SMARCA4: variants seen among roughly 807,000 people sequenced by gnomAD.
SMARCA4 encodes SWI/SNF-related matrix-associated actin-dependent regulator of chromatin subfamily A member 4.
SMARCA4 carries 31 observed loss-of-function variants against 193.9 expected under a neutral mutation model. The ratio of observed to expected loss-of-function variants is 0.16; its 90% CI spans 0.12 to 0.22. SMARCA4 has a LOEUF of 0.22. Ranked by LOEUF, SMARCA4 falls within the 10% of genes least tolerant of loss-of-function variation. The pLI is 1.00. For synonymous variants in SMARCA4, 942 were observed against 933.1 expected (o/e 1.01, Z -0.17); for missense variants, 1,148 against 2,296.0 (o/e 0.50, Z 10.22).
chr19:11,028,678 C>T (rs543354554), intron 24 of SMARCA4, among the ~76,000 whole-genome samples: 2 of 152,326 alleles, frequency 1.3e-5, no homozygotes, highest in African/African-American at 4.8e-5. Flanking sequence ...TGTGTTTCTG[C>T]GCCTGCCTGC....
intron 24 of SMARCA4, among the ~76,000 whole-genome samples, chr19:11,029,033 TCC>T (rs2090457620): frequency 6.6e-6 from 1 of 152,174 alleles, no homozygotes. Flanking sequence ...GCCCTGTGTG[TCC>T]CTCCAAACTG....
intron 23 of SMARCA4, among the ~76,000 whole-genome samples, chr19:11,027,541 G>A (rs1468519308): frequency 6.6e-6 from 1 of 152,228 alleles, no homozygotes; most frequent in Non-Finnish European, 1.5e-5. Flanking sequence ...GTCTGGGTTT[G>A]ACGAGAAATA....
intron 30 of SMARCA4, among the ~76,000 whole-genome samples, chr19:11,046,696 G>A (rs2075942337): frequency 6.6e-6 from 1 of 152,190 alleles, no homozygotes; most frequent in South Asian, 2.1e-4. Flanking sequence ...GGTCACGCCT[G>A]TAATCCCAGA....
In SMARCA4 at chr19:11,031,171, A is replaced by G. The variant is rs1042923962; in HGVS notation, c.3546+278A>G. The G allele has an allele frequency of 1.1e-5, 5 of 466,850 alleles. No individual in the cohort carries two copies. Among genetic ancestry groups the G allele is most frequent in the African/African-American group, 7.9e-5 (4 of 50,932 alleles). The allele number at this position is 466,850 out of a possible 1,614,324, so 28.9% of individuals were successfully genotyped here. On this transcript the variant is annotated intron_variant, in intron 25 of 34. Coordinates refer to ENST00000344626, the MANE Select transcript of SMARCA4 (RefSeq NM_003072.5). The surrounding 1 kb of genome is among the most constrained non-coding windows in gnomAD (Gnocchi z 4.3). Reference sequence around the variant, plus strand: ...TTTCTTAAATCTTGGAATGGCACCCATGAGGAGGTGGAAAGTATCCTGATC... The same window carrying G: ...TTTCTTAAATCTTGGAATGGCACCCGTGAGGAGGTGGAAAGTATCCTGATC...
rs190752888 is a variant in SMARCA4 at position 11,045,277 on chromosome 19, G to A, written c.4424+3717G>A. 3.8e-3 allele frequency among the ~76,000 whole-genome samples: 583 copies of A among 152,126 alleles called. 2 individuals are homozygous for A. The highest frequency in any genetic ancestry group is 5.4e-3 in the Non-Finnish European group (367 of 68,006). ...GGAGCTTGCAGTGAGCCGAGACCGCGCCACGGCACTCCAGCCTGGGCGACA... is the reference window on the plus strand; with the variant it reads ...GGAGCTTGCAGTGAGCCGAGACCGCACCACGGCACTCCAGCCTGGGCGACA... On this transcript the variant is annotated intron_variant, in intron 30 of 34. Transcript: ENST00000344626.
Position 11,041,253 on chromosome 19 carries a change from C to G in SMARCA4, c.4171-54C>G, listed in dbSNP as rs2146809673. On this transcript the variant is annotated intron_variant, in intron 29 of 34. Transcript: ENST00000344626. This position sits in a 1 kb window ranked among gnomAD's most constrained non-coding sequence, Gnocchi z 5.6. The stretch of plus-strand genomic sequence containing the variant: ...GGCCCCTGGGATTGCGTCGCGGCCT[C>G]TGCTTGTCGACCTGGGTGCTGGCTG... The G allele has an allele frequency of 6.4e-7, 1 of 1,563,896 alleles. No homozygotes were observed. Among genetic ancestry groups the G allele is most frequent in the Non-Finnish European group, 8.7e-7 (1 of 1,155,188 alleles).
intron 16 of SMARCA4, chr19:11,018,724 C>G: frequency 1.6e-6 from 1 of 635,356 alleles, no homozygotes; most frequent in Non-Finnish European, 2.9e-6. Context: ...TCTAAAGGGC[C>G]TTGCCCTCTT....
intron 29 of SMARCA4, among the ~76,000 whole-genome samples, chr19:11,037,181 G>T (rs2075315919): frequency 6.6e-6 from 1 of 152,134 alleles, no homozygotes; most frequent in African/African-American, 2.4e-5. Flanking sequence ...GTGCCTAGGC[G>T]TAGAGTTGCC....
intron 1 of SMARCA4, among the ~76,000 whole-genome samples, chr19:10,977,159 C>T (rs2085202660): frequency 6.6e-6 from 1 of 152,200 alleles, no homozygotes; most frequent in South Asian, 2.1e-4. Context: ...GACAGCAGGT[C>T]CTGGATCGCA....
At chr19:11,004,814 T>G (rs972512915) in intron 13 of SMARCA4, among the ~76,000 whole-genome samples, 2 of 151,958 alleles carry the variant, frequency 1.3e-5, no homozygotes, top group African/African-American at 4.8e-5. Flanking sequence ...GTTCAATGTT[T>G]TTTTTCCCTA....
In SMARCA4 at chr19:11,061,973, G is replaced by A; in HGVS notation, c.*157G>A. 1 of 737,344 alleles carries A rather than the reference G, an allele frequency of 1.4e-6. No individual in the cohort carries two copies. The highest frequency in any genetic ancestry group is 2.7e-5 in the East Asian group (1 of 37,396). The allele number at this position is 737,344 out of a possible 1,614,324, so 45.7% of individuals were successfully genotyped here. On this transcript the variant is annotated 3_prime_UTR_variant, in exon 35 of 35. Transcript: ENST00000344626. Reference sequence around the variant, plus strand: ...ATATTTATACAGCAGAGAAGCTGTAGGACTGTTTGTGACTGGCCCTGTCCT... The same window carrying A: ...ATATTTATACAGCAGAGAAGCTGTAAGACTGTTTGTGACTGGCCCTGTCCT...
chr19:11,047,088 A>G (rs2075974088), intron 30 of SMARCA4, among the ~76,000 whole-genome samples: 1 of 152,216 alleles, frequency 6.6e-6, no homozygotes, highest in Non-Finnish European at 1.5e-5. Context: ...GAGGGAAGAC[A>G]AACTCAGGGT....
rs2145980843 is a variant in SMARCA4, at chr19:10,996,515, C to G, written c.1783C>G (p.Gln595Glu). The G allele has an allele frequency of 6.2e-7, 1 of 1,614,254 alleles. No individual in the cohort carries two copies. The highest frequency in any genetic ancestry group is 8.5e-7 in the Non-Finnish European group (1 of 1,180,038). Reference sequence around the variant, plus strand: ...CCAGAAGGCAGAAAATGCAGAAGGACAGACGCCTGCCATTGGGCCGGATGG... The same window carrying G: ...CCAGAAGGCAGAAAATGCAGAAGGAGAGACGCCTGCCATTGGGCCGGATGG... ...KKKKAENAEG[Q>E]TPAIGPDGEP... The change falls in exon 11 of 35, where the codon CAG becomes GAG. Residue 595 changes from glutamine (Q) to glutamate (E), a missense_variant. This residue lies in a region of SMARCA4 where 115 missense variants were observed against 175.1 expected (regional missense o/e 0.66). Transcript: ENST00000344626.
At chr19:11,007,057 A>G (rs2088288699) in intron 13 of SMARCA4, among the ~76,000 whole-genome samples, 1 of 152,152 alleles carries the variant, frequency 6.6e-6, no homozygotes, top group Admixed American at 6.6e-5. Context: ...ACTGCCCTCC[A>G]GCCAGAGTGA....
chr19:10,996,604 C>T, intron 11 of SMARCA4, 60 bp downstream of exon 11: 1 of 1,477,794 alleles, frequency 6.8e-7, no homozygotes, highest in Non-Finnish European at 9.5e-7. Flanking sequence ...TGGTCTGTTT[C>T]AGACTTTAAA....
rs1409321149 is a variant in SMARCA4, at chr19:11,041,452, A to G, written c.4316A>G (p.Lys1439Arg). ...RSRDKDDESK[K>R]QKKRGRPPAE... ...CGCGACAAGGACGACGAGAGCAAGA[A>G]GCAGAAGAAGCGCGGGCGGCCGCCT... The change falls in exon 30 of 35, where the codon AAG becomes AGG. Residue 1439 changes from lysine (K) to arginine (R), a missense_variant. Physicochemically the swap from Lys to Arg is conservative, Grantham distance 26 (BLOSUM62 2). Transcript: ENST00000344626. This position sits in a 1 kb window ranked among gnomAD's most constrained non-coding sequence, Gnocchi z 5.6. The G allele has an allele frequency of 1.9e-6, 3 of 1,612,686 alleles. No homozygotes were observed. Among genetic ancestry groups the G allele is most frequent in the Non-Finnish European group, 2.5e-6 (3 of 1,179,960 alleles).
chr19:11,022,032 G>A lies in SMARCA4; in HGVS notation c.2859+65G>A, dbSNP rs933520175. On this transcript the variant is annotated intron_variant, in intron 19 of 34. Coordinates refer to ENST00000344626, the MANE Select transcript of SMARCA4 (RefSeq NM_003072.5). The stretch of plus-strand genomic sequence containing the variant: ...TGCGGCTGGCTTTGCTGGTTGGAAC[G>A]TGTTGAGCACCAGCTACAGCTGGCT... 80 of 1,606,440 alleles carry A rather than the reference G, an allele frequency of 5.0e-5. 1 individual carries two copies. In the Admixed American group the frequency reaches 5.5e-4, roughly 11 times the overall value.
At chr19:11,000,286 C>T (rs2087507663) in intron 11 of SMARCA4, among the ~76,000 whole-genome samples, 1 of 151,846 alleles carries the variant, frequency 6.6e-6, no homozygotes, top group South Asian at 2.1e-4. Flanking sequence ...CCTATAACCC[C>T]AGCAGTTTGG....
At chr19:11,013,957 G>T (rs921729994) in intron 16 of SMARCA4, among the ~76,000 whole-genome samples, 5 of 152,060 alleles carry the variant, frequency 3.3e-5, no homozygotes, top group African/African-American at 4.8e-5. Context: ...ACCCAGCTCA[G>T]CCCCTGCACT....
Sources: gnomAD v4.1 joint callset for allele counts (sites outside exome capture counted in the v4.1 genomes callset) on GRCh38, gnomAD v4.1.1 for gene constraint, gnomAD v4.1.1 regional missense constraint, Gnocchi (gnomAD v3.1) non-coding constraint, MANE v1.5 for transcripts, NCBI Gene and HGNC (gene_info 2026-07-23, HGNC 2026-07-21) for gene names.